TRIM72: variants seen among roughly 807,000 people sequenced by gnomAD.
TRIM72 encodes tripartite motif containing 72, also known as tripartite motif-containing protein 72.
A neutral mutation model predicts 31.6 loss-of-function variants in TRIM72; 33 were observed. The ratio of observed to expected loss-of-function variants is 1.04; its 90% confidence interval spans 0.79 to 1.40. The LOEUF is 1.40. TRIM72 is among the 40% of genes most tolerant of loss of function. The probability of loss-of-function intolerance (pLI) is 0.00; values close to 1 mark genes in which losing one functional copy is unlikely to be tolerated. For synonymous variants in TRIM72, 301 were observed against 314.4 expected, an observed-to-expected ratio of 0.96 and a Z score of 0.45; for missense variants, 666 against 682.7, an observed-to-expected ratio of 0.98 and a Z score of 0.27.
rs74015100 is a variant in TRIM72 at position 31,221,577 on chromosome 16, G to A, written c.740+659G>A. Among the ~76,000 whole-genome samples, 737 of 146,386 alleles carry A rather than the reference G, an allele frequency of 5.0e-3. 13 individuals are homozygous for A. The highest frequency in any genetic ancestry group is 0.018 in the African/African-American group (702 of 39,140). ...ATTGTGGGGAGAAGGGCACTGCGGG[G>A]AGAAGGGCATTGCTGGGGAGAAGGG... On this transcript the variant is annotated intron_variant, in intron 5 of 6. Coordinates refer to ENST00000322122, the MANE Select transcript of TRIM72 (RefSeq NM_001008274.4).
Position 31,225,643 on chromosome 16 carries a change from C to CTTTTTTTTTTTTTT in TRIM72, c.*901_*914dup, listed in dbSNP as rs1160718865. On this transcript the variant is annotated 3_prime_UTR_variant, in exon 7 of 7. Transcript: ENST00000322122. ...AAATGCTCATTTCTTTTTTTTATTT[C>CTTTTTTTTTTTTTT]TTTTTTTTTTTTTTTTTTTTTTTTT... The CTTTTTTTTTTTTTT allele has an allele frequency of 3.7e-4, 30 of 81,104 alleles. 3 individuals carry two copies. Among genetic ancestry groups the CTTTTTTTTTTTTTT allele is most frequent in the East Asian group, 1.3e-3 (3 of 2,224 alleles). The allele number at this position is 81,104 out of a possible 1,614,324, so 5.0% of individuals were successfully genotyped here.
intron 2 of TRIM72, among the ~76,000 whole-genome samples, chr16:31,217,512 A>C (rs2079515772): frequency 6.7e-6 from 1 of 149,466 alleles, no homozygotes; most frequent in Admixed American, 6.6e-5. Flanking sequence ...AAAAAAAAAA[A>C]TGGCTTTGGC....
rs995402430 is a variant in TRIM72 at position 31,224,844 on chromosome 16, G to C, written c.*89G>C. ...GTCTGACGGGAGAAGGGTGGGGAGCGGGTTGCCAGGGCCCAGGGGGCTGGG... is the reference window on the plus strand; with the variant it reads ...GTCTGACGGGAGAAGGGTGGGGAGCCGGTTGCCAGGGCCCAGGGGGCTGGG... On this transcript the variant is annotated 3_prime_UTR_variant, in exon 7 of 7. Transcript: ENST00000322122. The C allele has an allele frequency of 2.9e-5, 38 of 1,302,914 alleles. No homozygotes were observed. The highest frequency in any genetic ancestry group is 3.5e-5 in the Non-Finnish European group (35 of 995,876). The allele number at this position is 1,302,914 out of a possible 1,614,324, so 80.7% of individuals were successfully genotyped here.
Position 31,231,509 on chromosome 16 carries a change from C to T in TRIM72, c.*6754C>T, listed in dbSNP as rs2079569679. On this transcript the variant is annotated 3_prime_UTR_variant, in exon 7 of 7. Coordinates refer to ENST00000322122, the MANE Select transcript of TRIM72 (RefSeq NM_001008274.4). Reference sequence around the variant, plus strand: ...ACCAAAAGTAAAAATCAAGATGTCACGTTCCCATTAAAACAAACATAGAGT... The same window carrying T: ...ACCAAAAGTAAAAATCAAGATGTCATGTTCCCATTAAAACAAACATAGAGT... 1.3e-5 allele frequency: 2 copies of T among 152,100 alleles called. No homozygotes were observed. The highest frequency in any genetic ancestry group is 4.8e-5 in the African/African-American group (2 of 41,404). 9.4% of individuals were successfully genotyped at this position (152,100 alleles called of 1,614,324 possible).
chr16:31,228,379 C>A lies in TRIM72; in HGVS notation c.*3624C>A, dbSNP rs1458313197. On this transcript the variant is annotated 3_prime_UTR_variant, in exon 7 of 7. Coordinates refer to ENST00000322122, the MANE Select transcript of TRIM72 (RefSeq NM_001008274.4). The stretch of plus-strand genomic sequence containing the variant: ...GGAAAGGCTGCTGTCCATTGACTGT[C>A]ACTGAACTCTCTGTCATTGCTCAGG... The A allele has an allele frequency of 6.6e-6, 1 of 152,288 alleles. No homozygotes were observed. Among genetic ancestry groups the A allele is most frequent in the African/African-American group, 2.4e-5 (1 of 41,458 alleles). The allele number at this position is 152,288 out of a possible 1,614,324, so 9.4% of individuals were successfully genotyped here. A position where few individuals can be genotyped will look rare whatever the true frequency, so the allele number is the denominator to read the frequency against.
At position 31,219,185 on chromosome 16, in the gene TRIM72, G is replaced by A. The variant is rs1424530652; in HGVS notation, c.481G>A (p.Val161Met). ...VAVLEHQLVE[V>M]EETVRQFRGA... The stretch of plus-strand genomic sequence containing the variant: ...TGTGCTGGAGCATCAGCTGGTGGAG[G>A]TGGAGGTGAGGACTTCACAGGGCCA... Residue 161 changes from valine to methionine, a missense_variant, in exon 3 of 7, where the codon GTG becomes ATG. By Grantham distance (21) the Val-to-Met change is conservative (BLOSUM62 1). Coordinates refer to ENST00000322122, the MANE Select transcript of TRIM72 (RefSeq NM_001008274.4). This position sits in a 1 kb window ranked among gnomAD's most constrained non-coding sequence, Gnocchi z 4.2. The A allele has an allele frequency of 6.2e-7, 1 of 1,613,046 alleles. No individual in the cohort carries two copies. The highest frequency in any genetic ancestry group is 8.5e-7 in the Non-Finnish European group (1 of 1,179,650).
At chr16:31,222,784 CTCCCCCCTCACACA>C in intron 5 of TRIM72, 29 bp from the exon 6 acceptor site, 1 of 599,514 alleles carries the variant, frequency 1.7e-6, no homozygotes, top group Non-Finnish European at 2.8e-6. Context: ...AGCCCTTGTC[CTCCCCCCTCACACA>C]TGCCTCCCCT....
At chr16:31,223,384 C>T (rs1022624042) in intron 6 of TRIM72, among the ~76,000 whole-genome samples, 1 of 152,190 alleles carries the variant, frequency 6.6e-6, no homozygotes, top group East Asian at 1.9e-4. Context: ...CTCAGTTCCT[C>T]CCCCCAAGAG....
In TRIM72 at chr16:31,225,935, C is replaced by T. The variant is rs1174178899; in HGVS notation, c.*1180C>T. 6.6e-6 allele frequency: 1 copy of T among 151,910 alleles called. No homozygotes were observed. The highest frequency in any genetic ancestry group is 1.9e-4 in the East Asian group (1 of 5,186). The allele number at this position is 151,910 out of a possible 1,614,324, so 9.4% of individuals were successfully genotyped here. A position where few individuals can be genotyped will look rare whatever the true frequency, so the allele number is the denominator to read the frequency against. The stretch of plus-strand genomic sequence containing the variant: ...TAGTGCTGGGATTACAGACATGAGC[C>T]ACTGCACCTGGCTGAAAATGCTCAT... On this transcript the variant is annotated 3_prime_UTR_variant, in exon 7 of 7. Transcript: ENST00000322122.
At chr16:31,223,055 T>G (rs1596942562) in intron 6 of TRIM72, 110 bp downstream of exon 6, 1 of 797,520 alleles carries the variant, frequency 1.3e-6, no homozygotes, top group Non-Finnish European at 2.1e-6. Flanking sequence ...CTGAAGGAGG[T>G]ACCCATTGCC....
In TRIM72 at chr16:31,224,518, G is replaced by C. The variant is rs1217157136; in HGVS notation, c.1197G>C (p.Glu399Asp). 2 of 1,507,388 alleles carry C rather than the reference G, an allele frequency of 1.3e-6. No individual in the cohort carries two copies. Among genetic ancestry groups the C allele is most frequent in the Admixed American group, 4.3e-5 (2 of 46,200 alleles). The allele number at this position is 1,507,388 out of a possible 1,614,324, so 93.4% of individuals were successfully genotyped here. A position where few individuals can be genotyped will look rare whatever the true frequency, so the allele number is the denominator to read the frequency against. Residue 399 changes from glutamate (E) to aspartate (D), a missense_variant, in exon 7 of 7, where the codon GAG becomes GAC. Glu to Asp is a conservative substitution (Grantham distance 45). Transcript: ENST00000322122. ...KILEAHVEAK[E>D]PRALRSPERR... ...TGGAGGCACACGTGGAGGCCAAGGAGCCGCGCGCTCTGCGCAGCCCCGAGA... is the reference window on the plus strand; with the variant it reads ...TGGAGGCACACGTGGAGGCCAAGGACCCGCGCGCTCTGCGCAGCCCCGAGA...
In TRIM72 at chr16:31,219,197, A is replaced by G. The variant is rs1433198374; in HGVS notation, c.486+7A>G. The G allele has an allele frequency of 2.5e-6, 4 of 1,613,402 alleles. No homozygotes were observed. The highest frequency in any genetic ancestry group is 3.4e-6 in the Non-Finnish European group (4 of 1,179,800). On this transcript the variant is annotated splice_region_variant and intron_variant, in intron 3 of 6. Coordinates refer to ENST00000322122, the MANE Select transcript of TRIM72 (RefSeq NM_001008274.4). The surrounding 1 kb of genome is among the most constrained non-coding windows in gnomAD (Gnocchi z 4.2). ...TCAGCTGGTGGAGGTGGAGGTGAGG[A>G]CTTCACAGGGCCATGTCTGAGGGCT... is the stretch of plus-strand genomic sequence containing the variant.
Position 31,224,973 on chromosome 16 carries a change from C to G in TRIM72, c.*218C>G, listed in dbSNP as rs1567496500. 1 of 428,044 alleles carries G rather than the reference C, an allele frequency of 2.3e-6. No homozygotes were observed. The highest frequency in any genetic ancestry group is 3.9e-5 in the East Asian group (1 of 25,628). 26.5% of individuals were successfully genotyped at this position (428,044 alleles called of 1,614,324 possible). A position where few individuals can be genotyped will look rare whatever the true frequency, so the allele number is the denominator to read the frequency against. On this transcript the variant is annotated 3_prime_UTR_variant, in exon 7 of 7. Transcript: ENST00000322122. ...TGGGAGACGGAGGCGGGTGGATCAC[C>G]TGAGGTCAGGAGTTCAAGACCAGCC...
chr16:31,216,687 G>A lies in TRIM72; in HGVS notation c.390+1559G>A. ...AGGGGAACAGGAAGGCTCTGGGCGGGACCTGACGCGTGGGTCCTTGGCGAG... is the reference window on the plus strand; with the variant it reads ...AGGGGAACAGGAAGGCTCTGGGCGGAACCTGACGCGTGGGTCCTTGGCGAG... On this transcript the variant is annotated intron_variant, in intron 2 of 6. Coordinates refer to ENST00000322122, the MANE Select transcript of TRIM72 (RefSeq NM_001008274.4). The surrounding 1 kb of genome is among the most constrained non-coding windows in gnomAD (Gnocchi z 6.7). 1 of 1,523,544 alleles carries A rather than the reference G, an allele frequency of 6.6e-7. No individual in the cohort carries two copies. Among genetic ancestry groups the A allele is most frequent in the South Asian group, 1.2e-5 (1 of 80,794 alleles). 94.4% of individuals were successfully genotyped at this position (1,523,544 alleles called of 1,614,324 possible).
Position 31,219,317 on chromosome 16 carries a change from T to TG in TRIM72, c.520dup (p.Glu174GlyfsTer27), listed in dbSNP as rs2079523404. 1.2e-6 allele frequency: 2 copies of TG among 1,613,778 alleles called. No individual in the cohort carries two copies. Among genetic ancestry groups the TG allele is most frequent in the African/African-American group, 2.7e-5 (2 of 74,848 alleles). Reference sequence around the variant, plus strand: ...ACAGTGCGTCAGTTCCGGGGGGCCGTGGGGGAGCAGCTGGGCAAGATGCGG... The same window carrying TG: ...ACAGTGCGTCAGTTCCGGGGGGCCGTGGGGGGAGCAGCTGGGCAAGATGCGG... On this transcript the variant is annotated frameshift_variant, in exon 4 of 7. Coordinates refer to ENST00000322122, the MANE Select transcript of TRIM72 (RefSeq NM_001008274.4). LOFTEE classifies it high-confidence loss of function. This position sits in a 1 kb window ranked among gnomAD's most constrained non-coding sequence, Gnocchi z 4.2.
chr16:31,223,146 T>G (rs1395741750), intron 6 of TRIM72, among the ~76,000 whole-genome samples: 1 of 152,140 alleles, frequency 6.6e-6, no homozygotes, highest in African/African-American at 2.4e-5. Flanking sequence ...TTGCAGTGGG[T>G]GACTGACATG....
At chr16:31,217,853 T>C (rs1252440493) in intron 2 of TRIM72, among the ~76,000 whole-genome samples, 1 of 152,140 alleles carries the variant, frequency 6.6e-6, no homozygotes, top group East Asian at 1.9e-4. Context: ...GACCTCGTGA[T>C]CCACCCGCCC....
At position 31,215,266 on chromosome 16, in the gene TRIM72, G is replaced by A. The variant is rs2079502493; in HGVS notation, c.390+138G>A. 4.9e-6 allele frequency: 6 copies of A among 1,223,298 alleles called. No homozygotes were observed. Among genetic ancestry groups the A allele is most frequent in the Non-Finnish European group, 6.4e-6 (6 of 943,686 alleles). 75.8% of individuals were successfully genotyped at this position (1,223,298 alleles called of 1,614,324 possible). ...TGGAGTTGCGGGGGGCGGGGGCGGG[G>A]CGAAGCAGCCAGGAAAGAGGGTCTG... On this transcript the variant is annotated intron_variant, in intron 2 of 6. Coordinates refer to ENST00000322122, the MANE Select transcript of TRIM72 (RefSeq NM_001008274.4). The surrounding 1 kb of genome is among the most constrained non-coding windows in gnomAD (Gnocchi z 6.3).
Position 31,224,277 on chromosome 16 carries a change from C to CGCCG in TRIM72, c.962_965dup (p.Glu323ArgfsTer204). On this transcript the variant is annotated frameshift_variant, in exon 7 of 7. Coordinates refer to ENST00000322122, the MANE Select transcript of TRIM72 (RefSeq NM_001008274.4). LOFTEE classifies it low-confidence loss of function (END_TRUNC). The stretch of plus-strand genomic sequence containing the variant: ...GTGGAGTGCTCGGAGCAGAAGGCGC[C>CGCCG]GCCGGCCGGGGAGGACCCGCGCCAG... The CGCCG allele has an allele frequency of 6.2e-7, 1 of 1,603,784 alleles. No homozygotes were observed. The highest frequency in any genetic ancestry group is 8.5e-7 in the Non-Finnish European group (1 of 1,179,060).
Sources: gnomAD v4.1 joint callset for allele counts (sites outside exome capture counted in the v4.1 genomes callset) on GRCh38, gnomAD v4.1.1 for gene constraint, Gnocchi (gnomAD v3.1) non-coding constraint, MANE v1.5 for transcripts, NCBI Gene and HGNC (gene_info 2026-07-23, HGNC 2026-07-21) for gene names.